The following KIRREL3 variants were observed in gnomAD, a reference collection of about 807,000 sequenced individuals.
The protein encoded by KIRREL3 is kirre like nephrin family adhesion molecule 3.
Under a neutral mutation model 89.7 loss-of-function variants are expected in KIRREL3, and 36 were observed. The observed-to-expected ratio is 0.40, with a 90% CI of 0.31 to 0.53. KIRREL3 has a LOEUF of 0.53. Ranked by LOEUF, KIRREL3 falls within the 20% of genes least tolerant of loss-of-function variation. KIRREL3 has a pLI of 0.49. For missense variants in KIRREL3, 864 were observed against 1,056.6 expected (o/e 0.82, Z 2.53); for synonymous variants, 445 against 441.4 (o/e 1.01, Z -0.10).
At chr11:126,828,021 TA>T (rs1436979321) in intron 1 of KIRREL3, among the ~76,000 whole-genome samples, 6 of 152,202 alleles carry the variant, frequency 3.9e-5, no homozygotes, top group Non-Finnish European at 8.8e-5. Flanking sequence ...TTCTCATCTG[TA>T]AAATGGGGAT....
chr11:126,888,874 G>A (rs1299554905), intron 1 of KIRREL3, among the ~76,000 whole-genome samples: 1 of 152,166 alleles, frequency 6.6e-6, no homozygotes, highest in Non-Finnish European at 1.5e-5. Flanking sequence ...GATTGCTGGT[G>A]CTGTTGTTTT....
chr11:126,854,237 A>T (rs1944438227), intron 1 of KIRREL3, among the ~76,000 whole-genome samples: 2 of 151,720 alleles, frequency 1.3e-5, no homozygotes, highest in African/African-American at 4.8e-5. Flanking sequence ...GTTAAAATGC[A>T]CTAAAATAAA....
intron 12 of KIRREL3, 139 bp from the exon 13 acceptor site, chr11:126,435,442 AGGCTAGCCCAGCT>A (rs1955289014): frequency 7.5e-6 from 6 of 805,004 alleles, no homozygotes; most frequent in Non-Finnish European, 8.3e-6. Flanking sequence ...CAACAGATCC[AGGCTAGCCCAGCT>A]GAACTTGGAG....
At position 126,655,710 on chromosome 11, in the gene KIRREL3, G is replaced by T. The variant is rs375658409; in HGVS notation, c.56-92798C>A. On this transcript the variant is annotated intron_variant, in intron 1 of 16. Coordinates refer to ENST00000525144, the MANE Select transcript of KIRREL3 (RefSeq NM_032531.4). The surrounding 1 kb of genome is among the most constrained non-coding windows in gnomAD (Gnocchi z 5.0). ...TGTGTCTCAAGCATTTCAGGGGGCT[G>T]CAGATTTAGGGGGACAGTCCTGGTG... Among the ~76,000 whole-genome samples the T allele has an allele frequency of 6.6e-6, 1 of 152,154 alleles. No homozygotes were observed. The highest frequency in any genetic ancestry group is 2.4e-5 in the African/African-American group (1 of 41,460).
At chr11:126,548,133 G>A (rs1938963242) in intron 2 of KIRREL3, among the ~76,000 whole-genome samples, 1 of 152,018 alleles carries the variant, frequency 6.6e-6, no homozygotes, top group African/African-American at 2.4e-5. Context: ...CCCACCTCCA[G>A]TCCTCCACGA....
chr11:126,827,550 G>T lies in KIRREL3; in HGVS notation c.55+172905C>A, dbSNP rs114652465. On this transcript the variant is annotated intron_variant, in intron 1 of 16. Transcript: ENST00000525144. Reference sequence around the variant, plus strand: ...AGAATGATAATATTGCCTCTTCTAGGGGTGAGAAAAACAGTAATGCACTTT... The same window carrying T: ...AGAATGATAATATTGCCTCTTCTAGTGGTGAGAAAAACAGTAATGCACTTT... 9.5e-4 allele frequency among the ~76,000 whole-genome samples: 145 copies of T among 152,214 alleles called. 2 individuals carry two copies. The highest frequency in any genetic ancestry group is 3.3e-3 in the African/African-American group (139 of 41,508).
intron 1 of KIRREL3, among the ~76,000 whole-genome samples, chr11:126,799,569 G>C (rs2134389176): frequency 2.1e-5 from 1 of 47,812 alleles, no homozygotes; most frequent in South Asian, 6.9e-4. Flanking sequence ...GAAAGAAGGT[G>C]AGACTCCTAG....
rs900606875 is a variant in KIRREL3, at chr11:126,566,033, T to G, written c.56-3121A>C. Among the ~76,000 whole-genome samples, 3 of 152,146 alleles carry G rather than the reference T, an allele frequency of 2.0e-5. No individual in the cohort carries two copies. Among genetic ancestry groups the G allele is most frequent in the Non-Finnish European group, 4.4e-5 (3 of 68,016 alleles). ...GGAGAGTCAGATCACAGATGCACATTTTGGAACAGTAAGATGATGGGATCT... is the reference window on the plus strand; with the variant it reads ...GGAGAGTCAGATCACAGATGCACATGTTGGAACAGTAAGATGATGGGATCT... On this transcript the variant is annotated intron_variant, in intron 1 of 16. Coordinates refer to ENST00000525144, the MANE Select transcript of KIRREL3 (RefSeq NM_032531.4). This position sits in a 1 kb window ranked among gnomAD's most constrained non-coding sequence, Gnocchi z 4.9.
In KIRREL3 at chr11:126,703,009, T is replaced by C. The variant is rs1302998602; in HGVS notation, c.56-140097A>G. 1.3e-5 allele frequency among the ~76,000 whole-genome samples: 2 copies of C among 152,236 alleles called. No individual in the cohort carries two copies. Among genetic ancestry groups the C allele is most frequent in the African/African-American group, 4.8e-5 (2 of 41,458 alleles). On this transcript the variant is annotated intron_variant, in intron 1 of 16. Transcript: ENST00000525144. This position sits in a 1 kb window ranked among gnomAD's most constrained non-coding sequence, Gnocchi z 4.6. Reference sequence around the variant, plus strand: ...GTTGCTTTTTCCTCTTGAGGAGTCTTTTTATTTTCAGAGTGGCAGGGAGGA... The same window carrying C: ...GTTGCTTTTTCCTCTTGAGGAGTCTCTTTATTTTCAGAGTGGCAGGGAGGA...
Position 126,906,050 on chromosome 11 carries a change from G to A in KIRREL3, c.55+94405C>T, listed in dbSNP as rs1438267756. On this transcript the variant is annotated intron_variant, in intron 1 of 16. Coordinates refer to ENST00000525144, the MANE Select transcript of KIRREL3 (RefSeq NM_032531.4). This position sits in a 1 kb window ranked among gnomAD's most constrained non-coding sequence, Gnocchi z 4.1. ...GCTTTGTAGAACAAAATGCCAGGCC[G>A]ACTTCAAGGCCGGGAGGTGTGCAGA... 6.6e-6 allele frequency among the ~76,000 whole-genome samples: 1 copy of A among 152,186 alleles called. No individual in the cohort carries two copies. The highest frequency in any genetic ancestry group is 1.5e-5 in the Non-Finnish European group (1 of 68,040).
Position 126,587,525 on chromosome 11 carries a change from C to T in KIRREL3, c.56-24613G>A, listed in dbSNP as rs188338814. The stretch of plus-strand genomic sequence containing the variant: ...CCTGTAGCCTGCAGTCTTCACTGTG[C>T]TCTCGACTCCCCCAGCCTTTCATTG... On this transcript the variant is annotated intron_variant, in intron 1 of 16. Coordinates refer to ENST00000525144, the MANE Select transcript of KIRREL3 (RefSeq NM_032531.4). This position sits in a 1 kb window ranked among gnomAD's most constrained non-coding sequence, Gnocchi z 5.2. Among the ~76,000 whole-genome samples, 14 of 152,306 alleles carry T rather than the reference C, an allele frequency of 9.2e-5. No individual in the cohort carries two copies. The highest frequency in any genetic ancestry group is 1.6e-4 in the Non-Finnish European group (11 of 68,032).
At chr11:127,001,323 G>C (rs1403896145), upstream of KIRREL3, among the ~76,000 whole-genome samples, 72 of 135,982 alleles carry the variant, frequency 5.3e-4, 1 homozygote, top group African/African-American at 1.3e-3. Context: ...GTGGGGGGGG[G>C]GGGTAGGTAA....
chr11:126,718,664 T>G (rs1188128385), intron 1 of KIRREL3, among the ~76,000 whole-genome samples: 2 of 152,226 alleles, frequency 1.3e-5, no homozygotes, highest in Non-Finnish European at 2.9e-5. Context: ...ACATATTTTA[T>G]TTACTCTCAA....
rs1949729411 is a variant in KIRREL3, at chr11:126,763,595, C to T, written c.56-200683G>A. Reference sequence around the variant, plus strand: ...GTGCCCAGGCTGAGGGACCAAGGCCCAGCGAGAGTAGGTGGTAGGTAGGCA... The same window carrying T: ...GTGCCCAGGCTGAGGGACCAAGGCCTAGCGAGAGTAGGTGGTAGGTAGGCA... On this transcript the variant is annotated intron_variant, in intron 1 of 16. Coordinates refer to ENST00000525144, the MANE Select transcript of KIRREL3 (RefSeq NM_032531.4). This position sits in a 1 kb window ranked among gnomAD's most constrained non-coding sequence, Gnocchi z 4.7. 6.6e-6 allele frequency among the ~76,000 whole-genome samples: 1 copy of T among 152,218 alleles called. No individual in the cohort carries two copies. The highest frequency in any genetic ancestry group is 2.1e-4 in the South Asian group (1 of 4,826).
intron 1 of KIRREL3, among the ~76,000 whole-genome samples, chr11:126,751,541 G>C (rs1269341858): frequency 6.6e-6 from 1 of 152,162 alleles, no homozygotes; most frequent in African/African-American, 2.4e-5. Context: ...CATTTGTTAA[G>C]AGAGTTACGA....
chr11:126,439,588 A>G (rs1955484438), intron 11 of KIRREL3, among the ~76,000 whole-genome samples: 1 of 149,096 alleles, frequency 6.7e-6, no homozygotes, highest in South Asian at 2.3e-4. Flanking sequence ...AGGCTGGGGT[A>G]GGAGGATCGA....
rs934631498 is a variant in KIRREL3 at position 126,719,607 on chromosome 11, C to T, written c.56-156695G>A. ...GCCAACTCCTGCCTTCACCACACAGCCCCTCCCGCTAGATCCTGTCAAAAT... is the reference window on the plus strand; with the variant it reads ...GCCAACTCCTGCCTTCACCACACAGTCCCTCCCGCTAGATCCTGTCAAAAT... On this transcript the variant is annotated intron_variant, in intron 1 of 16. Coordinates refer to ENST00000525144, the MANE Select transcript of KIRREL3 (RefSeq NM_032531.4). This position sits in a 1 kb window ranked among gnomAD's most constrained non-coding sequence, Gnocchi z 4.7. Among the ~76,000 whole-genome samples, 3 of 152,164 alleles carry T rather than the reference C, an allele frequency of 2.0e-5. No homozygotes were observed. The highest frequency in any genetic ancestry group is 4.1e-4 in the South Asian group (2 of 4,822).
chr11:126,586,798 A>C (rs760853146), intron 1 of KIRREL3, among the ~76,000 whole-genome samples: 1 of 152,056 alleles, frequency 6.6e-6, no homozygotes, highest in Non-Finnish European at 1.5e-5. Context: ...GCTTTGCATC[A>C]CTTGGGCACT....
At chr11:126,460,678 T>G (rs943883659) in intron 6 of KIRREL3, among the ~76,000 whole-genome samples, 15 of 152,210 alleles carry the variant, frequency 9.9e-5, no homozygotes, top group Non-Finnish European at 1.5e-4. Context: ...GTCCTCTGGA[T>G]GCAGACTGTC....
Sources: gnomAD v4.1 joint callset for allele counts (sites outside exome capture counted in the v4.1 genomes callset) on GRCh38, gnomAD v4.1.1 for gene constraint, Gnocchi (gnomAD v3.1) non-coding constraint, MANE v1.5 for transcripts, NCBI Gene and HGNC (gene_info 2026-07-23, HGNC 2026-07-21) for gene names.